Variants in DMRT3 observed in about 807,000 individuals in gnomAD.
DMRT3 encodes doublesex and mab-3 related transcription factor 3.
In DMRT3, 29 loss-of-function variants were observed where a neutral mutation model predicts 34.9. The observed-to-expected ratio is 0.83, with a 90% confidence interval of 0.62 to 1.13. The LOEUF is 1.13. Among genes scored for constraint, DMRT3 ranks in the 50% most tolerant of loss-of-function variants. DMRT3 has a pLI of 0.00. For missense variants in DMRT3, 772 were observed against 629.1 expected (o/e 1.23, Z -2.43); for synonymous variants, 350 against 286.0 (o/e 1.22, Z -2.26).
rs753618267 is a variant in DMRT3, at chr9:991,252, A to C, written c.*247A>C. 2.4e-6 allele frequency: 1 copy of C among 415,336 alleles called. No individual in the cohort carries two copies. The highest frequency in any genetic ancestry group is 4.2e-6 in the Non-Finnish European group (1 of 238,898). The allele number at this position is 415,336 out of a possible 1,614,324, so 25.7% of individuals were successfully genotyped here. ...TATTGTAAAAGAGAGTCTAATGTTA[A>C]GAATAGTCTTGGGAAGGCTGGGTCC... On this transcript the variant is annotated 3_prime_UTR_variant, in exon 2 of 2. Coordinates refer to ENST00000190165, the MANE Select transcript of DMRT3 (RefSeq NM_021240.4).
chr9:982,944 G>A (rs967936752), intron 1 of DMRT3, among the ~76,000 whole-genome samples: 1 of 152,102 alleles, frequency 6.6e-6, no homozygotes, highest in Non-Finnish European at 1.5e-5. Context: ...GGCTCTGATG[G>A]CTTGTGCACG....
rs1820365743 is a variant in DMRT3 at position 991,719 on chromosome 9, A to C, written c.*714A>C. The C allele has an allele frequency of 6.6e-6, 1 of 152,578 alleles. No homozygotes were observed. The highest frequency in any genetic ancestry group is 1.5e-5 in the Non-Finnish European group (1 of 68,046). The allele number at this position is 152,578 out of a possible 1,614,324, so 9.5% of individuals were successfully genotyped here. ...TGTTAAGGACTCTAGAAAAAAATAA[A>C]CTAAGGAGACGAGCGTGGTTTATGT... On this transcript the variant is annotated 3_prime_UTR_variant, in exon 2 of 2. Coordinates refer to ENST00000190165, the MANE Select transcript of DMRT3 (RefSeq NM_021240.4).
At position 990,882 on chromosome 9, in the gene DMRT3, C is replaced by T. The variant is rs756703183; in HGVS notation, c.1296C>T (p.Asp432=). 1.2e-6 allele frequency: 2 copies of T among 1,614,166 alleles called. No individual in the cohort carries two copies. Among genetic ancestry groups the T allele is most frequent in the East Asian group, 4.5e-5 (2 of 44,866 alleles). Residue 432 remains aspartate (D), a synonymous_variant, in exon 2 of 2, where the codon GAC becomes GAT. Coordinates refer to ENST00000190165, the MANE Select transcript of DMRT3 (RefSeq NM_021240.4). ...TCCTTCCTGCCCGCGCCACGGAAGA[C>T]CCTCGGATTTCCATCCCTGATGATG... The part of the protein sequence containing the change: ...SPVLPARATE[D]PRISIPDDGC...
intron 1 of DMRT3, among the ~76,000 whole-genome samples, chr9:980,541 T>A (rs1249765521): frequency 6.6e-6 from 1 of 152,208 alleles, no homozygotes; most frequent in Non-Finnish European, 1.5e-5. Context: ...GCTATATATA[T>A]CTATTAAAAG....
chr9:990,067 G>A lies in DMRT3; in HGVS notation c.481G>A (p.Gly161Ser), dbSNP rs748395135. Residue 161 changes from glycine to serine, a missense_variant, in exon 2 of 2, where the codon GGC becomes AGC. Transcript: ENST00000190165. The part of the protein sequence containing the change: ...PDLTEERLGD[G>S]KSADNTEVFS... ...TTTGACTGAAGAACGACTTGGAGAC[G>A]GCAAGTCGGCAGACAATACAGAGGT... 1.9e-5 allele frequency: 30 copies of A among 1,613,670 alleles called. No homozygotes were observed. Among genetic ancestry groups the A allele is most frequent in the Non-Finnish European group, 2.5e-5 (29 of 1,179,966 alleles).
intron 1 of DMRT3, among the ~76,000 whole-genome samples, chr9:982,699 C>A (rs1181445874): frequency 6.6e-6 from 1 of 152,210 alleles, no homozygotes; most frequent in African/African-American, 2.4e-5. Context: ...AAATCAAAGT[C>A]CCTGGAGGAC....
chr9:984,212 G>A (rs952926576), intron 1 of DMRT3, among the ~76,000 whole-genome samples: 7 of 152,148 alleles, frequency 4.6e-5, no homozygotes, highest in African/African-American at 1.7e-4. Flanking sequence ...TCAAGGACCT[G>A]TTATTTACAG....
chr9:980,923 A>G (rs911006239), intron 1 of DMRT3, among the ~76,000 whole-genome samples: 3 of 152,210 alleles, frequency 2.0e-5, no homozygotes, highest in Non-Finnish European at 4.4e-5. Context: ...TGCGATGAGA[A>G]GAAAGATCTG....
intron 1 of DMRT3, among the ~76,000 whole-genome samples, chr9:983,071 T>C (rs2130062638): frequency 6.6e-6 from 1 of 152,216 alleles, no homozygotes. Context: ...TCCTCTTGCC[T>C]GAGCAATGCA....
At position 977,056 on chromosome 9, in the gene DMRT3, C is replaced by A. The variant is rs772537898; in HGVS notation, c.55C>A (p.Pro19Thr). Residue 19 changes from proline (P) to threonine (T), a missense_variant, in exon 1 of 2, where the codon CCA becomes ACA. Coordinates refer to ENST00000190165, the MANE Select transcript of DMRT3 (RefSeq NM_021240.4). ...CATGGGCGGCCCGGTGTCGCAGCCGCCACGGGCGCCCCTGCAGCGCACGCC... is the reference window on the plus strand; with the variant it reads ...CATGGGCGGCCCGGTGTCGCAGCCGACACGGGCGCCCCTGCAGCGCACGCC... Reference protein sequence around the residue: ...LYMGGPVSQPPRAPLQRTPKC... With the variant: ...LYMGGPVSQPTRAPLQRTPKC... 2.5e-6 allele frequency: 4 copies of A among 1,573,702 alleles called. No homozygotes were observed. The highest frequency in any genetic ancestry group is 2.4e-5 in the East Asian group (1 of 42,316).
chr9:983,160 A>C (rs1041922798), intron 1 of DMRT3, among the ~76,000 whole-genome samples: 2 of 152,346 alleles, frequency 1.3e-5, no homozygotes, highest in African/African-American at 4.8e-5. Flanking sequence ...CAGCTATAAA[A>C]GGCACAATCA....
intron 1 of DMRT3, among the ~76,000 whole-genome samples, chr9:979,496 C>G (rs542094331): frequency 6.6e-6 from 1 of 152,210 alleles, no homozygotes; most frequent in African/African-American, 2.4e-5. Flanking sequence ...GCATCAGGGA[C>G]CAAGGGCTCA....
At position 990,420 on chromosome 9, in the gene DMRT3, G is replaced by A; in HGVS notation, c.834G>A (p.Leu278=). The change falls in exon 2 of 2, where the codon CTG becomes CTA. Residue 278 remains leucine (L), a synonymous_variant. Transcript: ENST00000190165. ...ELILKGCGGD[L]VSAVEVLLSS... is the part of the protein sequence containing the mutation. The stretch of plus-strand genomic sequence containing the variant: ...TCCTCAAGGGCTGTGGCGGGGACCT[G>A]GTGAGCGCCGTGGAAGTCCTTCTGT... 1 of 1,614,072 alleles carries A rather than the reference G, an allele frequency of 6.2e-7. No individual in the cohort carries two copies. Among genetic ancestry groups the A allele is most frequent in the Non-Finnish European group, 8.5e-7 (1 of 1,180,022 alleles).
At chr9:980,152 G>T (rs557671591) in intron 1 of DMRT3, among the ~76,000 whole-genome samples, 4 of 152,146 alleles carry the variant, frequency 2.6e-5, no homozygotes, top group Non-Finnish European at 5.9e-5. Flanking sequence ...TTTGAGAAAA[G>T]CACATGCCTT....
At chr9:982,849 T>C (rs74826031) in intron 1 of DMRT3, among the ~76,000 whole-genome samples, 1,531 of 152,298 alleles carry the variant, frequency 0.01, 10 homozygotes, top group Non-Finnish European at 0.017. Context: ...TCTTGCTTTT[T>C]TCCTTTCTTC....
In DMRT3 at chr9:976,905, C is replaced by T. The variant is rs1046256457; in HGVS notation, c.-97C>T. ...CTGCGGGACCAAGGGCCGCGTCGCC[C>T]GGAGGCCGCCCCTGAGCGGGCCTCG... On this transcript the variant is annotated 5_prime_UTR_variant, in exon 1 of 2. Coordinates refer to ENST00000190165, the MANE Select transcript of DMRT3 (RefSeq NM_021240.4). This position sits in a 1 kb window ranked among gnomAD's most constrained non-coding sequence, Gnocchi z 4.5. 2.3e-6 allele frequency: 3 copies of T among 1,304,928 alleles called. No individual in the cohort carries two copies. The highest frequency in any genetic ancestry group is 2.0e-6 in the Non-Finnish European group (2 of 1,013,994). The allele number at this position is 1,304,928 out of a possible 1,614,324, so 80.8% of individuals were successfully genotyped here.
chr9:980,042 C>CT (rs1295890287), intron 1 of DMRT3, among the ~76,000 whole-genome samples: 3 of 152,174 alleles, frequency 2.0e-5, no homozygotes, highest in Admixed American at 6.5e-5. Flanking sequence ...TGTGGTTAGT[C>CT]TTTTTGCGGG....
Position 989,816 on chromosome 9 carries a change from A to G in DMRT3, c.455-225A>G, listed in dbSNP as rs916995739. 19 of 517,350 alleles carry G rather than the reference A, an allele frequency of 3.7e-5. No individual in the cohort carries two copies. In the Middle Eastern group the frequency reaches 1.2e-3, roughly 33 times the overall value. 32.0% of individuals were successfully genotyped at this position (517,350 alleles called of 1,614,324 possible). On this transcript the variant is annotated intron_variant, in intron 1 of 1. Transcript: ENST00000190165. ...TGTTGAAGGCAAGCTTCCTTGCACAAAGCATTCCAGGAAGCCACTCTGATT... is the reference window on the plus strand; with the variant it reads ...TGTTGAAGGCAAGCTTCCTTGCACAGAGCATTCCAGGAAGCCACTCTGATT...
rs758505369 is a variant in DMRT3, at chr9:990,723, C to G, written c.1137C>G (p.Ser379Arg). The G allele has an allele frequency of 6.2e-7, 1 of 1,614,148 alleles. No individual in the cohort carries two copies. The highest frequency in any genetic ancestry group is 1.7e-5 in the Admixed American group (1 of 60,032). ...PLMLRNTLAR[S>R]QSSPFLPNDV... is the part of the protein sequence containing the mutation. ...TGCTGAGGAATACTTTGGCGAGAAG[C>G]CAGTCGAGCCCCTTTTTGCCCAATG... is the stretch of plus-strand genomic sequence containing the variant. Residue 379 changes from serine to arginine, a missense_variant, in exon 2 of 2, where the codon AGC becomes AGG. Physicochemically the swap from Ser to Arg is moderately radical, Grantham distance 110. Transcript: ENST00000190165.
Sources: allele counts gnomAD v4.1 joint callset (sites outside exome capture counted in the v4.1 genomes callset), GRCh38; gene constraint gnomAD v4.1.1; non-coding constraint Gnocchi (gnomAD v3.1); transcripts MANE v1.5; gene names NCBI Gene and HGNC (gene_info 2026-07-23, HGNC 2026-07-21).